Variants in ZBTB17 observed in about 807,000 individuals in gnomAD.
ZBTB17 encodes zinc finger and BTB domain-containing protein 17.
ZBTB17 carries 24 observed loss-of-function variants against 85.1 expected under a neutral mutation model. That is an observed-to-expected ratio of 0.28 (90% CI 0.20 to 0.40). The LOEUF (loss-of-function observed/expected upper bound fraction) is 0.40. Among genes scored for constraint, ZBTB17 ranks in the 10% least tolerant of loss-of-function variants. ZBTB17 has a pLI of 1.00. For synonymous variants in ZBTB17, 464 were observed against 460.2 expected, an observed-to-expected ratio of 1.01 and a Z score of -0.11; for missense variants, 743 against 1,105.1, an observed-to-expected ratio of 0.67 and a Z score of 4.65.
At chr1:15,969,356 T>C (rs1181743198) in intron 2 of ZBTB17, among the ~76,000 whole-genome samples, 6 of 152,150 alleles carry the variant, frequency 3.9e-5, no homozygotes, top group Non-Finnish European at 7.3e-5. Context: ...ATAATAAATG[T>C]AAGGTGTTTA....
chr1:15,967,589 T>G (rs2072491326), intron 2 of ZBTB17, among the ~76,000 whole-genome samples: 1 of 152,184 alleles, frequency 6.6e-6, no homozygotes, highest in Non-Finnish European at 1.5e-5. Context: ...GAGAACCTTC[T>G]GATTTTTCTA....
At position 15,975,471 on chromosome 1, in the gene ZBTB17, C is replaced by CT. The variant is rs1397493233; in HGVS notation, c.-90+511dup. 2.6e-5 allele frequency among the ~76,000 whole-genome samples: 4 copies of CT among 152,316 alleles called. No homozygotes were observed. The East Asian group carries it at 7.7e-4, about 29-fold the overall frequency. ...CTCTAGCTTCACCATCTATCAGGTG[C>CT]TGAACCACCGTCCGCAGTACGAATG... On this transcript the variant is annotated intron_variant, in intron 1 of 15. Coordinates refer to ENST00000375743, the MANE Select transcript of ZBTB17 (RefSeq NM_003443.3).
chr1:15,975,616 G>C (rs1157747120), intron 1 of ZBTB17, among the ~76,000 whole-genome samples: 2 of 151,730 alleles, frequency 1.3e-5, no homozygotes, highest in East Asian at 3.9e-4. Context: ...CCGGCACTGC[G>C]CTCCCTCGCG....
Position 15,945,269 on chromosome 1 carries a change from GC to G in ZBTB17, c.662-68del, listed in dbSNP as rs973037079. The stretch of plus-strand genomic sequence containing the variant: ...GCCTGAGCGCACGTGAGGGGCGCCG[GC>G]AACATGTGGAAGGGACAGTAAATGG... On this transcript the variant is annotated intron_variant, in intron 6 of 15. Transcript: ENST00000375743. 5.9e-6 allele frequency: 9 copies of G among 1,522,744 alleles called. No homozygotes were observed. The African/African-American group carries it at 1.2e-4, about 21-fold the overall frequency. 94.3% of individuals were successfully genotyped at this position (1,522,744 alleles called of 1,614,324 possible).
chr1:15,943,970 A>G (rs2071471196), intron 9 of ZBTB17, 75 bp from the exon 10 acceptor site: 1 of 1,377,012 alleles, frequency 7.3e-7, no homozygotes, highest in Admixed American at 2.0e-5. Context: ...CCCTCCCACA[A>G]AGGAACAATT....
At position 15,944,956 on chromosome 1, in the gene ZBTB17, G is replaced by C; in HGVS notation, c.908C>G (p.Ser303Cys). The change falls in exon 7 of 16, where the codon TCC becomes TGC. Residue 303 changes from serine to cysteine, a missense_variant. Ser to Cys is a moderately radical substitution (Grantham distance 112). This residue lies in a region of ZBTB17 where 279 missense variants were observed against 269.9 expected (regional missense o/e 1.03). Coordinates refer to ENST00000375743, the MANE Select transcript of ZBTB17 (RefSeq NM_003443.3). The part of the protein sequence containing the change: ...GDRTESKAYG[S>C]VIHKCEDCGK... The stretch of plus-strand genomic sequence containing the variant: ...CCTCACCTCGCACTTGTGGATGACG[G>C]AGCCGTAGGCCTTGGACTCCGTGCG... The C allele has an allele frequency of 6.3e-7, 1 of 1,579,820 alleles. No homozygotes were observed. Among genetic ancestry groups the C allele is most frequent in the Non-Finnish European group, 8.6e-7 (1 of 1,165,854 alleles).
At chr1:15,959,800 A>G (rs68185708) in intron 2 of ZBTB17, among the ~76,000 whole-genome samples, 13,026 of 152,232 alleles carry the variant, frequency 0.086, 626 homozygotes, top group African/African-American at 0.12. Context: ...GACAGAAAAG[A>G]AAGAAAGAAA....
At chr1:15,948,670 T>G (rs966242771) in intron 2 of ZBTB17, among the ~76,000 whole-genome samples, 173 bp from the exon 3 acceptor site, 3 of 152,152 alleles carry the variant, frequency 2.0e-5, no homozygotes, top group African/African-American at 7.2e-5. Flanking sequence ...CAAGCCAAAC[T>G]CAACCAACTG....
intron 2 of ZBTB17, among the ~76,000 whole-genome samples, chr1:15,959,239 T>C (rs2072160268): frequency 6.6e-6 from 1 of 152,188 alleles, no homozygotes; most frequent in South Asian, 2.1e-4. Context: ...GCCATGCCAT[T>C]TGTCCAAAAC....
chr1:15,957,336 G>C (rs1263872360), intron 2 of ZBTB17, among the ~76,000 whole-genome samples: 1 of 139,704 alleles, frequency 7.2e-6, no homozygotes, highest in Non-Finnish European at 1.6e-5. Context: ...AAACCCTGAG[G>C]CGGGCATGAC....
chr1:15,955,548 G>A (rs2072016421), intron 2 of ZBTB17, among the ~76,000 whole-genome samples: 2 of 152,164 alleles, frequency 1.3e-5, no homozygotes, highest in South Asian at 4.1e-4. Context: ...AGTATTTTCG[G>A]AAGTTTGTAT....
intron 3 of ZBTB17, chr1:15,947,398 G>A (rs1024575317): frequency 2.0e-5 from 9 of 442,828 alleles, no homozygotes; most frequent in African/African-American, 1.4e-4. Flanking sequence ...GAGGACAGGA[G>A]GTGTGAATGC....
rs184625396 is a variant in ZBTB17 at position 15,951,333 on chromosome 1, G to A, written c.-2-2836C>T. Among the ~76,000 whole-genome samples the A allele has an allele frequency of 3.3e-5, 4 of 121,820 alleles. No individual in the cohort carries two copies. Among genetic ancestry groups the A allele is most frequent in the African/African-American group, 1.3e-4 (3 of 23,500 alleles). The allele number at this position is 121,820 out of a possible 152,430, so 79.9% of individuals were successfully genotyped here. A position where few individuals can be genotyped will look rare whatever the true frequency, so the allele number is the denominator to read the frequency against. On this transcript the variant is annotated intron_variant, in intron 2 of 15. Transcript: ENST00000375743. This position sits in a 1 kb window ranked among gnomAD's most constrained non-coding sequence, Gnocchi z 4.1. ...GAAGGAAGGAAGGGAGAGAGGGAGGGAGGGAGGGGCCCTGTACCCACAGAG... is the reference window on the plus strand; with the variant it reads ...GAAGGAAGGAAGGGAGAGAGGGAGGAAGGGAGGGGCCCTGTACCCACAGAG...
rs2072387314 is a variant in ZBTB17, at chr1:15,964,941, C to T, written c.-3+8098G>A. The stretch of plus-strand genomic sequence containing the variant: ...CCAGCCTGGCCAAGATGCTGAAACC[C>T]CGTCTACTAAAAATAAAAAAAAATT... On this transcript the variant is annotated intron_variant, in intron 2 of 15. Coordinates refer to ENST00000375743, the MANE Select transcript of ZBTB17 (RefSeq NM_003443.3). The surrounding 1 kb of genome is among the most constrained non-coding windows in gnomAD (Gnocchi z 4.3). Among the ~76,000 whole-genome samples, 1 of 151,826 alleles carries T rather than the reference C, an allele frequency of 6.6e-6. No homozygotes were observed. Among genetic ancestry groups the T allele is most frequent in the Non-Finnish European group, 1.5e-5 (1 of 67,980 alleles).
intron 2 of ZBTB17, among the ~76,000 whole-genome samples, chr1:15,955,637 A>T (rs2072019825): frequency 6.6e-6 from 1 of 152,190 alleles, no homozygotes; most frequent in Non-Finnish European, 1.5e-5. Flanking sequence ...TGCTTTTCAA[A>T]CTATACAACT....
rs2268342 is a variant in ZBTB17 at position 15,951,042 on chromosome 1, C to T, written c.-2-2545G>A. On this transcript the variant is annotated intron_variant, in intron 2 of 15. Coordinates refer to ENST00000375743, the MANE Select transcript of ZBTB17 (RefSeq NM_003443.3). This position sits in a 1 kb window ranked among gnomAD's most constrained non-coding sequence, Gnocchi z 4.1. ...GGGTGGTGGCCCAGCCCCCCACATA[C>T]CACCACCCGCCAAGAGAGCAGCTGT... Among the ~76,000 whole-genome samples the T allele has an allele frequency of 5.0e-3, 767 of 152,282 alleles. 17 individuals carry two copies. In the East Asian group the frequency reaches 0.085, roughly 17 times the overall value.
chr1:15,974,693 G>C (rs2072798635), intron 1 of ZBTB17, among the ~76,000 whole-genome samples: 2 of 151,934 alleles, frequency 1.3e-5, no homozygotes, highest in African/African-American at 4.8e-5. Flanking sequence ...TCATACCTCA[G>C]CCTCCTGAGC....
In ZBTB17 at chr1:15,941,986, G is replaced by T; in HGVS notation, c.2395C>A (p.Pro799Thr). ...AETSPTAPEC[P>T]PPAE is the part of the protein sequence containing the mutation. ...CCGCCAGCTCACTCGGCAGGCGGGG[G>T]ACATTCAGGAGCTGTAGGGGAGGTC... Residue 799 changes from proline to threonine, a missense_variant, in exon 16 of 16, where the codon CCC becomes ACC. By Grantham distance (38) the Pro-to-Thr change is conservative (BLOSUM62 -1). This residue lies in a region of ZBTB17 where 69 missense variants were observed against 77.0 expected (regional missense o/e 0.90). Transcript: ENST00000375743. 1.9e-6 allele frequency: 3 copies of T among 1,597,820 alleles called. No homozygotes were observed. The highest frequency in any genetic ancestry group is 2.7e-5 in the African/African-American group (2 of 74,938).
At chr1:15,971,640 A>G (rs1165375208) in intron 2 of ZBTB17, among the ~76,000 whole-genome samples, 1 of 149,994 alleles carries the variant, frequency 6.7e-6, no homozygotes, top group Non-Finnish European at 1.5e-5. Context: ...GACAGAAAAA[A>G]AAAAACGAAA....
Sources: allele counts gnomAD v4.1 joint callset (sites outside exome capture counted in the v4.1 genomes callset), GRCh38; gene constraint gnomAD v4.1.1; regional missense constraint gnomAD v4.1.1; non-coding constraint Gnocchi (gnomAD v3.1); transcripts MANE v1.5; gene names NCBI Gene and HGNC (gene_info 2026-07-23, HGNC 2026-07-21).